The following GRIP2 variants were observed in gnomAD, a reference collection of about 807,000 sequenced individuals.
The protein encoded by GRIP2 is glutamate receptor interacting protein 2, also known as glutamate receptor-interacting protein 2.
GRIP2 carries 58 observed loss-of-function variants against 108.3 expected under a neutral mutation model. That is an observed-to-expected ratio of 0.54 (90% confidence interval 0.43 to 0.67). GRIP2 has a LOEUF of 0.67. GRIP2 is among the 30% of genes least tolerant of loss of function. The pLI is 0.00. For synonymous variants in GRIP2, 586 were observed against 598.2 expected, an observed-to-expected ratio of 0.98 and a Z score of 0.30; for missense variants, 1,278 against 1,430.6, an observed-to-expected ratio of 0.89 and a Z score of 1.72.
At chr3:14,564,811 C>A in the GRIP2 span, among the ~76,000 whole-genome samples, 20 of 152,360 alleles carry the variant, frequency 1.3e-4, no homozygotes, top group Non-Finnish European at 2.9e-4. Context: ...TGATTATGCT[C>A]ATGAATAGGG....
chr3:14,544,135 A>G (rs141497935), upstream of GRIP2, among the ~76,000 whole-genome samples: 1,118 of 152,342 alleles, frequency 7.3e-3, 12 homozygotes, highest in African/African-American at 0.026. Flanking sequence ...ACCCTAGGCA[A>G]GTCACATCTG....
chr3:14,517,169 A>G lies in GRIP2; in HGVS notation c.1201T>C (p.Phe401Leu). 6.2e-7 allele frequency: 1 copy of G among 1,607,274 alleles called. No homozygotes were observed. Among genetic ancestry groups the G allele is most frequent in the Admixed American group, 1.7e-5 (1 of 58,790 alleles). Residue 401 changes from phenylalanine to leucine, a missense_variant, in exon 11 of 24, where the codon TTT becomes CTT. Transcript: ENST00000621039. The part of the protein sequence containing the change: ...PFSSPTLNHA[F>L]SCNNPSTLPR... ...AGGGTGCTGGGGTTGTTGCAGGAAA[A>G]GGCGTGGTTCAAGGTCGGCGAGGAA...
At chr3:14,582,165 G>A in the GRIP2 span, among the ~76,000 whole-genome samples, 1 of 152,200 alleles carries the variant, frequency 6.6e-6, no homozygotes, top group Non-Finnish European at 1.5e-5. Context: ...CCATGCAAAT[G>A]TGCAAACACT....
the GRIP2 span, among the ~76,000 whole-genome samples, chr3:14,598,360 A>ACG: frequency 6.6e-6 from 1 of 151,432 alleles, no homozygotes; most frequent in East Asian, 1.9e-4. Context: ...ACACACACAC[A>ACG]CACACACGCA....
intron 21 of GRIP2, among the ~76,000 whole-genome samples, chr3:14,497,818 G>T (rs1056797433): frequency 6.6e-6 from 1 of 152,140 alleles, no homozygotes; most frequent in Non-Finnish European, 1.5e-5. Flanking sequence ...AAGGAGAGAA[G>T]GAGTGGAGTT....
At chr3:14,553,902 C>T (rs941178002) in intron 1 of GRIP2, among the ~76,000 whole-genome samples, 2 of 152,078 alleles carry the variant, frequency 1.3e-5, no homozygotes, top group Non-Finnish European at 2.9e-5. Context: ...GGAGAGGGGT[C>T]GGGCAGGAGC....
At chr3:14,513,018 A>G (rs1361354349) in intron 13 of GRIP2, among the ~76,000 whole-genome samples, 161 bp from the exon 14 acceptor site, 1 of 152,192 alleles carries the variant, frequency 6.6e-6, no homozygotes, top group Non-Finnish European at 1.5e-5. Flanking sequence ...ACTGAGGCAG[A>G]GTGAGCTGAC....
intron 1 of GRIP2, among the ~76,000 whole-genome samples, chr3:14,551,274 C>T (rs1017338932): frequency 6.6e-6 from 1 of 152,184 alleles, no homozygotes; most frequent in African/African-American, 2.4e-5. Flanking sequence ...CTGGACTGAA[C>T]ATTCAAGCCG....
intron 3 of GRIP2, 33 bp from the exon 4 acceptor site, chr3:14,524,571 C>G: frequency 2.6e-6 from 4 of 1,547,090 alleles, no homozygotes; most frequent in Non-Finnish European, 3.5e-6. Flanking sequence ...CACATGGTAA[C>G]AGGTGCTGGC....
rs1367650203 is a variant in GRIP2, at chr3:14,540,221, CTA to C, written c.40+46_40+47del. 1.2e-6 allele frequency: 2 copies of C among 1,600,686 alleles called. No homozygotes were observed. Among genetic ancestry groups the C allele is most frequent in the Admixed American group, 1.7e-5 (1 of 59,504 alleles). On this transcript the variant is annotated intron_variant, in intron 1 of 23. Transcript: ENST00000621039. The surrounding 1 kb of genome is among the most constrained non-coding windows in gnomAD (Gnocchi z 4.1). The stretch of plus-strand genomic sequence containing the variant: ...CTCTGGGCAGCAGCTCCAGAGGGAT[CTA>C]TGTGTTCAGCCCCATCACTCTGCCC...
chr3:14,543,805 G>C (rs1695016603), upstream of GRIP2, among the ~76,000 whole-genome samples: 2 of 152,246 alleles, frequency 1.3e-5, no homozygotes, highest in Non-Finnish European at 2.9e-5. Context: ...TCTTTGGTCA[G>C]GAGGGGCCCT....
At chr3:14,593,748 G>A in the GRIP2 span, among the ~76,000 whole-genome samples, 1 of 152,162 alleles carries the variant, frequency 6.6e-6, no homozygotes, top group Non-Finnish European at 1.5e-5. Context: ...AGTTCTTTGG[G>A]CAGGACTGTC....
chr3:14,536,514 G>A (rs1354880618), intron 1 of GRIP2, among the ~76,000 whole-genome samples: 5 of 152,210 alleles, frequency 3.3e-5, no homozygotes, highest in African/African-American at 1.2e-4. Flanking sequence ...TAGGGCTCAG[G>A]CACTCACAGG....
chr3:14,553,757 A>G (rs1695189730), intron 1 of GRIP2, among the ~76,000 whole-genome samples: 1 of 152,130 alleles, frequency 6.6e-6, no homozygotes, highest in Non-Finnish European at 1.5e-5. Flanking sequence ...GAAGAAGAAG[A>G]CAGAAGAAAC....
chr3:14,515,029 C>T (rs1377544818), intron 11 of GRIP2, among the ~76,000 whole-genome samples: 2 of 152,214 alleles, frequency 1.3e-5, no homozygotes, highest in Non-Finnish European at 2.9e-5. Flanking sequence ...TAGGCAACCG[C>T]GAATCTACTT....
At chr3:14,524,137 C>T (rs2124927191) in intron 4 of GRIP2, 1 of 563,268 alleles carries the variant, frequency 1.8e-6, no homozygotes. Flanking sequence ...TTCCAAAACC[C>T]TCCCCGCTAA....
Position 14,494,854 on chromosome 3 carries a change from T to C in GRIP2, c.2959A>G (p.Arg987Gly). The C allele has an allele frequency of 6.2e-7, 1 of 1,613,048 alleles. No individual in the cohort carries two copies. Among genetic ancestry groups the C allele is most frequent in the Non-Finnish European group, 8.5e-7 (1 of 1,179,300 alleles). ...TGCCCCAGCATTACCTGCAGGACCC[T>C]GTCGAAGGGCTGGAGGCCTCCACGG... The part of the protein sequence containing the change: ...AHRGGLQPFD[R>G]VLQVNHVRTR... The change falls in exon 23 of 24, where the codon AGG becomes GGG. Residue 987 changes from arginine (R) to glycine (G), a missense_variant. Transcript: ENST00000621039.
rs76135868 is a variant in GRIP2 at position 14,526,731 on chromosome 3, G to A, written c.41-800C>T. On this transcript the variant is annotated intron_variant, in intron 1 of 23. Coordinates refer to ENST00000621039, the MANE Select transcript of GRIP2 (RefSeq NM_001080423.4). The stretch of plus-strand genomic sequence containing the variant: ...TGTCTTCTTTATCTCTCTAAGATAC[G>A]TCAAGGGGTGCTTCATCTGCAATGA... Among the ~76,000 whole-genome samples the A allele has an allele frequency of 7.9e-3, 1,206 of 152,152 alleles. 20 individuals are homozygous for A. The highest frequency in any genetic ancestry group is 0.028 in the African/African-American group (1,160 of 41,476).
In GRIP2 at chr3:14,521,675, G is replaced by T. The variant is rs371098984; in HGVS notation, c.679C>A (p.Leu227Ile). ...GCCACATCATACTCCACCTGAAAGA[G>T]TGCCTCGTGGCTGCACTGCCGCAGG... ...ATLRQCSHEA[L>I]FQVEYDVATP... Residue 227 changes from leucine to isoleucine, a missense_variant, in exon 7 of 24, where the codon CTC (leucine) becomes ATC (isoleucine). Physicochemically the swap from Leu to Ile is conservative, Grantham distance 5. Coordinates refer to ENST00000621039, the MANE Select transcript of GRIP2 (RefSeq NM_001080423.4). This position sits in a 1 kb window ranked among gnomAD's most constrained non-coding sequence, Gnocchi z 5.1. The T allele has an allele frequency of 3.1e-6, 5 of 1,611,970 alleles. No individual in the cohort carries two copies. In the African/African-American group the frequency reaches 6.7e-5, roughly 22 times the overall value.
Sources: gnomAD v4.1 joint callset for allele counts (sites outside exome capture counted in the v4.1 genomes callset) on GRCh38, gnomAD v4.1.1 for gene constraint, Gnocchi (gnomAD v3.1) non-coding constraint, MANE v1.5 for transcripts, NCBI Gene and HGNC (gene_info 2026-07-23, HGNC 2026-07-21) for gene names.